Variants in GABRG2 observed in about 807,000 individuals in gnomAD.
The protein encoded by GABRG2 is gamma-aminobutyric acid type A receptor subunit gamma2, also known as gamma-aminobutyric acid receptor subunit gamma-2.
In GABRG2, 16 loss-of-function variants were observed where a neutral mutation model predicts 56.4. That is an observed-to-expected ratio of 0.28 (90% CI 0.19 to 0.43). GABRG2 has a LOEUF of 0.43. Ranked by LOEUF, GABRG2 falls within the 20% of genes least tolerant of loss-of-function variation. The probability of loss-of-function intolerance (pLI) is 1.00; values close to 1 mark genes in which losing one functional copy is unlikely to be tolerated. For missense variants in GABRG2, 327 were observed against 582.7 expected, an observed-to-expected ratio of 0.56 and a Z score of 4.52; for synonymous variants, 208 against 205.5, an observed-to-expected ratio of 1.01 and a Z score of -0.10.
At position 162,153,532 on chromosome 5, in the gene GABRG2, C is replaced by A. The variant is rs1765522712; in HGVS notation, c.*164C>A. ...ATAATGTCATATTGTTTGTGCCCAG[C>A]CCTCCTTTGGTTAGTGTACTTTGAA... On this transcript the variant is annotated 3_prime_UTR_variant, in exon 10 of 10. Coordinates refer to ENST00000639213, the MANE Select transcript of GABRG2 (RefSeq NM_198904.4). 15 of 874,418 alleles carry A rather than the reference C, an allele frequency of 1.7e-5. No homozygotes were observed. The highest frequency in any genetic ancestry group is 3.0e-5 in the South Asian group (2 of 66,224). The allele number at this position is 874,418 out of a possible 1,614,324, so 54.2% of individuals were successfully genotyped here. A position where few individuals can be genotyped will look rare whatever the true frequency, so the allele number is the denominator to read the frequency against.
intron 6 of GABRG2, among the ~76,000 whole-genome samples, chr5:162,108,223 A>G (rs938350429): frequency 1.3e-5 from 2 of 151,974 alleles, no homozygotes; most frequent in African/African-American, 4.8e-5. Flanking sequence ...TCACAACACT[A>G]TTTGACTCCC....
chr5:162,153,516 T>C lies in GABRG2; in HGVS notation c.*148T>C. 1 of 998,224 alleles carries C rather than the reference T, an allele frequency of 1.0e-6. No homozygotes were observed. Among genetic ancestry groups the C allele is most frequent in the Non-Finnish European group, 1.6e-6 (1 of 643,974 alleles). 61.8% of individuals were successfully genotyped at this position (998,224 alleles called of 1,614,324 possible). A position where few individuals can be genotyped will look rare whatever the true frequency, so the allele number is the denominator to read the frequency against. On this transcript the variant is annotated 3_prime_UTR_variant, in exon 10 of 10. Transcript: ENST00000639213. Reference sequence around the variant, plus strand: ...AAACCTGGTAAATTTTATAATGTCATATTGTTTGTGCCCAGCCCTCCTTTG... The same window carrying C: ...AAACCTGGTAAATTTTATAATGTCACATTGTTTGTGCCCAGCCCTCCTTTG...
intron 6 of GABRG2, among the ~76,000 whole-genome samples, chr5:162,117,287 A>G (rs955004857): frequency 1.3e-5 from 2 of 152,196 alleles, no homozygotes; most frequent in African/African-American, 2.4e-5. Context: ...ACTAAATTCA[A>G]TTTTACAGTT....
intron 6 of GABRG2, among the ~76,000 whole-genome samples, chr5:162,141,349 T>C (rs1764552815): frequency 6.6e-6 from 1 of 152,234 alleles, no homozygotes; most frequent in South Asian, 2.1e-4. Flanking sequence ...ATTTTGCTTT[T>C]TAATTCAAAT....
intron 1 of GABRG2, among the ~76,000 whole-genome samples, chr5:162,082,671 A>C (rs1157034073): frequency 1.3e-5 from 2 of 151,788 alleles, no homozygotes; most frequent in African/African-American, 4.8e-5. Flanking sequence ...AACACAAATG[A>C]GTGAATGAAC....
At chr5:162,142,652 A>G in intron 7 of GABRG2, 1 of 349,568 alleles carries the variant, frequency 2.9e-6, no homozygotes, top group South Asian at 2.2e-5. Flanking sequence ...CGCAAGGACA[A>G]AAAACCAAAC....
chr5:162,094,049 C>T, intron 2 of GABRG2, 70 bp downstream of exon 2: 1 of 1,500,450 alleles, frequency 6.7e-7, no homozygotes, highest in Non-Finnish European at 9.3e-7. Flanking sequence ...ATAGATAAAA[C>T]ATCAGTGTAG....
intron 1 of GABRG2, among the ~76,000 whole-genome samples, chr5:162,083,833 T>C (rs1202400823): frequency 6.6e-6 from 1 of 151,888 alleles, no homozygotes; most frequent in Non-Finnish European, 1.5e-5. Context: ...AAGTCACTGT[T>C]TCCCAAGTTC....
At chr5:162,119,386 A>G (rs1007085386) in intron 6 of GABRG2, among the ~76,000 whole-genome samples, 1 of 152,178 alleles carries the variant, frequency 6.6e-6, no homozygotes, top group Non-Finnish European at 1.5e-5. Flanking sequence ...ATGTTGTAAT[A>G]ATTATTAACA....
chr5:162,137,309 A>G (rs926786571), intron 6 of GABRG2, among the ~76,000 whole-genome samples: 2 of 152,204 alleles, frequency 1.3e-5, no homozygotes, highest in African/African-American at 2.4e-5. Flanking sequence ...TATGTTTTTT[A>G]TATACTTTCA....
At chr5:162,124,684 T>G (rs991578768) in intron 6 of GABRG2, among the ~76,000 whole-genome samples, 1 of 151,696 alleles carries the variant, frequency 6.6e-6, no homozygotes, top group Non-Finnish European at 1.5e-5. Context: ...AAAGCATCCC[T>G]CCACCTAGGC....
At chr5:162,101,110 A>G in intron 4 of GABRG2, 125 bp from the exon 5 acceptor site, 1 of 727,360 alleles carries the variant, frequency 1.4e-6, no homozygotes, top group South Asian at 1.6e-5. Flanking sequence ...TTCATTGGGG[A>G]TCACTCTGTG....
intron 6 of GABRG2, among the ~76,000 whole-genome samples, chr5:162,134,662 G>A (rs531680310): frequency 6.6e-6 from 1 of 152,224 alleles, no homozygotes; most frequent in Admixed American, 6.5e-5. Context: ...TGATGCCCCT[G>A]CCACCCTATC....
At chr5:162,119,980 C>G (rs147571422) in intron 6 of GABRG2, among the ~76,000 whole-genome samples, 1 of 152,020 alleles carries the variant, frequency 6.6e-6, no homozygotes, top group Non-Finnish European at 1.5e-5. Flanking sequence ...TTGGAATGAT[C>G]GCCCCCATGC....
intron 6 of GABRG2, among the ~76,000 whole-genome samples, chr5:162,121,335 A>G (rs1762965524): frequency 6.6e-6 from 1 of 152,134 alleles, no homozygotes; most frequent in Non-Finnish European, 1.5e-5. Flanking sequence ...AAAACAGTGC[A>G]TATTAGAAAG....
At chr5:162,081,887 T>C (rs1581314270) in intron 1 of GABRG2, among the ~76,000 whole-genome samples, 2 of 152,074 alleles carry the variant, frequency 1.3e-5, no homozygotes, top group Middle Eastern at 6.8e-3. Flanking sequence ...ACCTAACATA[T>C]TACACAGTAA....
rs553866630 is a variant in GABRG2 at position 162,142,094 on chromosome 5, A to G, written c.770-70A>G. The stretch of plus-strand genomic sequence containing the variant: ...AAATGTGTGTGCATAACCATTAAAT[A>G]CATGCTTAGTTTTAATGTTTTCCAG... On this transcript the variant is annotated intron_variant, in intron 6 of 9. Transcript: ENST00000639213. The G allele has an allele frequency of 3.8e-5, 56 of 1,479,312 alleles. No individual in the cohort carries two copies. The African/African-American group carries it at 7.5e-4, about 20-fold the overall frequency. The allele number at this position is 1,479,312 out of a possible 1,614,324, so 91.6% of individuals were successfully genotyped here. A position where few individuals can be genotyped will look rare whatever the true frequency, so the allele number is the denominator to read the frequency against.
At chr5:162,110,099 T>C (rs1057409411) in intron 6 of GABRG2, among the ~76,000 whole-genome samples, 4 of 152,158 alleles carry the variant, frequency 2.6e-5, no homozygotes, top group African/African-American at 9.6e-5. Flanking sequence ...TTAGATTCCA[T>C]GTTCTAGTTA....
At chr5:162,094,067 G>T (rs1262515837) in intron 2 of GABRG2, 88 bp downstream of exon 2, 1 of 1,413,018 alleles carries the variant, frequency 7.1e-7, no homozygotes, top group Non-Finnish European at 1.0e-6. Context: ...TAGTTCAAGA[G>T]CAAGGAAGAT....
Sources: allele counts gnomAD v4.1 joint callset (sites outside exome capture counted in the v4.1 genomes callset), GRCh38; gene constraint gnomAD v4.1.1; transcripts MANE v1.5; gene names NCBI Gene and HGNC (gene_info 2026-07-23, HGNC 2026-07-21).